Variants in ENTPD1 observed in about 807,000 individuals in gnomAD.
ENTPD1 encodes ATP diphosphohydrolase.
Under a neutral mutation model 57.0 loss-of-function variants are expected in ENTPD1, and 33 were observed. The observed-to-expected ratio is 0.58, with a 90% confidence interval of 0.44 to 0.77. The LOEUF is 0.77. ENTPD1 is among the 30% of genes least tolerant of loss of function. ENTPD1 has a pLI of 0.00. For missense variants in ENTPD1, 501 were observed against 603.4 expected, an observed-to-expected ratio of 0.83 and a Z score of 1.78; for synonymous variants, 202 against 218.8, an observed-to-expected ratio of 0.92 and a Z score of 0.68.
intron 1 of ENTPD1, among the ~76,000 whole-genome samples, chr10:95,819,742 A>G (rs769298748): frequency 6.6e-6 from 1 of 152,136 alleles, no homozygotes; most frequent in Non-Finnish European, 1.5e-5. Flanking sequence ...GTCACATCAC[A>G]TGAAAAGAAA....
intron 1 of ENTPD1, among the ~76,000 whole-genome samples, chr10:95,822,514 C>T (rs2098357172): frequency 6.6e-6 from 1 of 152,098 alleles, no homozygotes; most frequent in Admixed American, 6.6e-5. Context: ...CCTGGCTGGT[C>T]TTGAACTGCT....
intron 7 of ENTPD1, among the ~76,000 whole-genome samples, chr10:95,850,116 G>T (rs1018518764): frequency 6.6e-6 from 1 of 152,174 alleles, no homozygotes; most frequent in Non-Finnish European, 1.5e-5. Context: ...GGCTGGAAAA[G>T]GGTGGAGGAG....
the ENTPD1 span, among the ~76,000 whole-genome samples, chr10:95,699,446 C>CA: frequency 2.6e-5 from 4 of 151,794 alleles, no homozygotes; most frequent in African/African-American, 7.3e-5. Context: ...CCTGTCTCTA[C>CA]AAAAAATAAA....
At chr10:95,773,296 A>T (rs1415109351) in intron 1 of ENTPD1, among the ~76,000 whole-genome samples, 1 of 152,186 alleles carries the variant, frequency 6.6e-6, no homozygotes, top group South Asian at 2.1e-4. Context: ...TCCTTGATCC[A>T]TAGACTGCAG....
At chr10:95,713,009 G>A (rs890906812) in intron 1 of ENTPD1, among the ~76,000 whole-genome samples, 1 of 150,404 alleles carries the variant, frequency 6.6e-6, no homozygotes, top group African/African-American at 2.4e-5. Flanking sequence ...ACTCCAGACT[G>A]GGCGACAGAG....
chr10:95,826,088 TATATAG>T (rs2098375150), intron 2 of ENTPD1, among the ~76,000 whole-genome samples: 1 of 152,210 alleles, frequency 6.6e-6, no homozygotes, highest in African/African-American at 2.4e-5. Context: ...GGGAAGGCAG[TATATAG>T]ATATGACTGA....
intron 1 of ENTPD1, among the ~76,000 whole-genome samples, chr10:95,750,249 G>A (rs756694202): frequency 5.9e-5 from 9 of 152,152 alleles, no homozygotes; most frequent in South Asian, 2.1e-4. Context: ...AAAACTTCAC[G>A]GGGGATGATG....
At chr10:95,745,260 T>G (rs2098004791) in intron 1 of ENTPD1, among the ~76,000 whole-genome samples, 1 of 152,208 alleles carries the variant, frequency 6.6e-6, no homozygotes, top group South Asian at 2.1e-4. Flanking sequence ...CATAGCTCAC[T>G]GCAGCCTTGA....
Position 95,856,080 on chromosome 10 carries a change from G to C in ENTPD1, c.1075-4389G>C, listed in dbSNP as rs182406324. ...CCGTCACTTTCAGGTACACCAATCA[G>C]ACGTAGATTTGGTCTTTTCACATAA... is the stretch of plus-strand genomic sequence containing the variant. On this transcript the variant is annotated intron_variant, in intron 7 of 9. Coordinates refer to ENST00000371205, the MANE Select transcript of ENTPD1 (RefSeq NM_001776.6). 5.1e-3 allele frequency among the ~76,000 whole-genome samples: 771 copies of C among 152,296 alleles called. 6 individuals are homozygous for C. The highest frequency in any genetic ancestry group is 0.031 in the Middle Eastern group (9 of 294).
intron 1 of ENTPD1, among the ~76,000 whole-genome samples, chr10:95,736,215 G>T (rs1264126619): frequency 1.3e-5 from 2 of 151,748 alleles, no homozygotes. Context: ...TGCCCAGGCT[G>T]CTCTGAAAAC....
chr10:95,873,244 T>C lies in ENTPD1; in HGVS notation c.*6861T>C. On this transcript the variant is annotated 3_prime_UTR_variant, in exon 10 of 10. Coordinates refer to ENST00000371205, the MANE Select transcript of ENTPD1 (RefSeq NM_001776.6). ...GGCTCTCAGATCAGTGTTCATCCAC[T>C]ACCTGACTACTGTCATTCACAGGCA... The C allele has an allele frequency of 1.0e-6, 1 of 985,454 alleles. No individual in the cohort carries two copies. The highest frequency in any genetic ancestry group is 1.2e-6 in the Non-Finnish European group (1 of 829,934). The allele number at this position is 985,454 out of a possible 1,614,324, so 61.0% of individuals were successfully genotyped here.
intron 2 of ENTPD1, 56 bp downstream of exon 2, chr10:95,823,420 C>G (rs754492343): frequency 1.7e-5 from 28 of 1,610,100 alleles, no homozygotes; most frequent in African/African-American, 2.7e-5. Flanking sequence ...CTGGGTGGGA[C>G]AGGGGGAGGA....
intron 7 of ENTPD1, among the ~76,000 whole-genome samples, chr10:95,851,231 T>C (rs1039814744): frequency 1.3e-5 from 2 of 151,080 alleles, no homozygotes; most frequent in Admixed American, 1.3e-4. Context: ...TAAATGTGTG[T>C]ATATTTATAT....
rs181131794 is a variant in ENTPD1 at position 95,742,930 on chromosome 10, T to C, written c.37+30937T>C. Among the ~76,000 whole-genome samples, 8 of 152,348 alleles carry C rather than the reference T, an allele frequency of 5.3e-5. No homozygotes were observed. In the East Asian group the frequency reaches 1.5e-3, roughly 29 times the overall value. On this transcript the variant is annotated intron_variant, in intron 1 of 9. Transcript: ENST00000453258. The stretch of plus-strand genomic sequence containing the variant: ...GTACAGAAAGTTACCAGGTACTCTC[T>C]ACCCAGTTCCCTGATTATTAACATC...
At chr10:95,740,969 A>G (rs980195937) in intron 1 of ENTPD1, among the ~76,000 whole-genome samples, 1 of 152,178 alleles carries the variant, frequency 6.6e-6, no homozygotes, top group African/African-American at 2.4e-5. Flanking sequence ...GACCTTTCAG[A>G]CATTTTCCAT....
At position 95,868,241 on chromosome 10, in the gene ENTPD1, G is replaced by A. The variant is rs1050198622; in HGVS notation, c.*1858G>A. The A allele has an allele frequency of 5.1e-6, 5 of 985,378 alleles. No individual in the cohort carries two copies. Among genetic ancestry groups the A allele is most frequent in the East Asian group, 2.3e-4 (2 of 8,818 alleles). The allele number at this position is 985,378 out of a possible 1,614,324, so 61.0% of individuals were successfully genotyped here. On this transcript the variant is annotated 3_prime_UTR_variant, in exon 10 of 10. Transcript: ENST00000371205. ...GTACCTAACCTTTATTTTCTTTCCC[G>A]AACATACCAGGCTGTCTCCTCATAA... is the stretch of plus-strand genomic sequence containing the variant.
Position 95,876,447 on chromosome 10 carries a change from A to G in ENTPD1, c.*10064A>G. ...CGGTTCTGCAATCTATAGGCATACC[A>G]TAATTGTAATCAATAGCTTAAAAAT... On this transcript the variant is annotated 3_prime_UTR_variant, in exon 10 of 10. Transcript: ENST00000371205. 1 of 1,231,372 alleles carries G rather than the reference A, an allele frequency of 8.1e-7. No individual in the cohort carries two copies. The highest frequency in any genetic ancestry group is 1.0e-6 in the Non-Finnish European group (1 of 987,796). 76.3% of individuals were successfully genotyped at this position (1,231,372 alleles called of 1,614,324 possible).
At chr10:95,820,760 T>C (rs370400299) in intron 1 of ENTPD1, among the ~76,000 whole-genome samples, 1 of 152,252 alleles carries the variant, frequency 6.6e-6, no homozygotes, top group African/African-American at 2.4e-5. Context: ...TCTTAGCACA[T>C]ATTGTGACCT....
In ENTPD1 at chr10:95,841,917, C is replaced by G. The variant is rs574561652; in HGVS notation, c.263-427C>G. On this transcript the variant is annotated intron_variant, in intron 3 of 9. Transcript: ENST00000371205. ...CAGATAACTAGTTAGTGGCAGCTTC[C>G]ATCTTTTTAGTAAAAGCCAATTTGT... is the stretch of plus-strand genomic sequence containing the variant. Among the ~76,000 whole-genome samples, 4 of 152,322 alleles carry G rather than the reference C, an allele frequency of 2.6e-5. No individual in the cohort carries two copies. In the East Asian group the frequency reaches 7.7e-4, roughly 29 times the overall value.
Sources: gnomAD v4.1 joint callset for allele counts (sites outside exome capture counted in the v4.1 genomes callset) on GRCh38, gnomAD v4.1.1 for gene constraint, MANE v1.5 for transcripts, NCBI Gene and HGNC (gene_info 2026-07-23, HGNC 2026-07-21) for gene names.